CAMTA1: variants seen among roughly 807,000 people sequenced by gnomAD.
CAMTA1 encodes calmodulin-binding transcription activator 1.
A neutral mutation model predicts 170.9 loss-of-function variants in CAMTA1; 27 were observed. That is an observed-to-expected ratio of 0.16 (90% CI 0.12 to 0.22). CAMTA1 has a LOEUF of 0.22. CAMTA1 is among the 10% of genes least tolerant of loss of function. The pLI, the probability that CAMTA1 is intolerant of heterozygous loss-of-function variation, is 1.00. For missense variants in CAMTA1, 1,619 were observed against 2,217.2 expected, an observed-to-expected ratio of 0.73 and a Z score of 5.42; for synonymous variants, 833 against 891.5, an observed-to-expected ratio of 0.93 and a Z score of 1.17.
At chr1:7,016,466 T>C (rs886093402) in intron 3 of CAMTA1, among the ~76,000 whole-genome samples, 1 of 152,198 alleles carries the variant, frequency 6.6e-6, no homozygotes, top group African/African-American at 2.4e-5. Context: ...GAAGGGGAAA[T>C]TAATTTTACA....
intron 5 of CAMTA1, among the ~76,000 whole-genome samples, chr1:7,414,048 C>T (rs2090982515): frequency 2.0e-5 from 3 of 152,124 alleles, no homozygotes; most frequent in Non-Finnish European, 4.4e-5. Context: ...TGTTTATATG[C>T]TGGATTACAT....
chr1:7,331,494 T>TA (rs1326418015), intron 5 of CAMTA1, among the ~76,000 whole-genome samples: 1 of 152,146 alleles, frequency 6.6e-6, no homozygotes, highest in Non-Finnish European at 1.5e-5. Context: ...TGAGGAAAAT[T>TA]AAAACAAGAG....
chr1:7,519,654 T>C (rs1333337536), intron 6 of CAMTA1, among the ~76,000 whole-genome samples: 1 of 151,778 alleles, frequency 6.6e-6, no homozygotes, highest in East Asian at 1.9e-4. Flanking sequence ...AACCCTGAGC[T>C]TCAGGCCGCA....
intron 3 of CAMTA1, among the ~76,000 whole-genome samples, chr1:6,955,411 GTC>G (rs1253390856): frequency 2.0e-5 from 3 of 152,202 alleles, no homozygotes; most frequent in Admixed American, 6.5e-5. Flanking sequence ...GCCCCTGCTT[GTC>G]TATAGCCAAA....
chr1:7,554,673 G>A (rs573418998), intron 6 of CAMTA1, among the ~76,000 whole-genome samples: 37 of 152,082 alleles, frequency 2.4e-4, no homozygotes, highest in Admixed American at 3.9e-4. Flanking sequence ...AAACACTGAC[G>A]ATGTCCCTCC....
At chr1:7,269,663 C>T (rs943557801) in intron 5 of CAMTA1, among the ~76,000 whole-genome samples, 1 of 152,178 alleles carries the variant, frequency 6.6e-6, no homozygotes, top group Admixed American at 6.5e-5. Context: ...ACTGCTTAAA[C>T]TGAAGCACTC....
chr1:7,664,798 A>G lies in CAMTA1; in HGVS notation c.2251A>G (p.Ser751Gly). ...VQGLYPVAQP[S>G]LGNASNMELS... ...GGGACTCTACCCCGTGGCCCAGCCC[A>G]GCCTCGGCAACGCCTCCAACATGGA... The change falls in exon 9 of 23, where the codon AGC becomes GGC. Residue 751 changes from serine to glycine, a missense_variant. Coordinates refer to ENST00000303635, the MANE Select transcript of CAMTA1 (RefSeq NM_015215.4). 1 of 1,613,008 alleles carries G rather than the reference A, an allele frequency of 6.2e-7. No individual in the cohort carries two copies. Among genetic ancestry groups the G allele is most frequent in the Non-Finnish European group, 8.5e-7 (1 of 1,179,706 alleles).
intron 3 of CAMTA1, among the ~76,000 whole-genome samples, chr1:7,008,045 G>A (rs986193762): frequency 6.6e-6 from 1 of 152,200 alleles, no homozygotes; most frequent in African/African-American, 2.4e-5. Flanking sequence ...CAGCCTGCGT[G>A]TTTCTCTGGG....
intron 3 of CAMTA1, among the ~76,000 whole-genome samples, chr1:6,850,037 A>G (rs538857430): frequency 6.5e-4 from 71 of 108,564 alleles, no homozygotes; most frequent in Non-Finnish European, 1.1e-3. Context: ...TTTGTCTCAG[A>G]AAAAAAAAAA....
At chr1:6,835,927 T>G (rs1652883419) in intron 3 of CAMTA1, among the ~76,000 whole-genome samples, 1 of 152,232 alleles carries the variant, frequency 6.6e-6, no homozygotes, top group East Asian at 1.9e-4. Flanking sequence ...TATTCTAATT[T>G]TTCAATGTTT....
chr1:6,963,448 G>A (rs1267820215), intron 3 of CAMTA1, among the ~76,000 whole-genome samples: 2 of 151,866 alleles, frequency 1.3e-5, no homozygotes, highest in South Asian at 2.1e-4. Flanking sequence ...AGCGGCAAGC[G>A]TGATTTATAG....
intron 4 of CAMTA1, among the ~76,000 whole-genome samples, chr1:7,246,833 AT>A (rs748418541): frequency 6.6e-6 from 1 of 151,840 alleles, no homozygotes; most frequent in East Asian, 1.9e-4. Context: ...TGCCAGGCTA[AT>A]TTTTTGTATT....
rs1334905310 is a variant in CAMTA1 at position 7,136,750 on chromosome 1, G to A, written c.302+45379G>A. Among the ~76,000 whole-genome samples the A allele has an allele frequency of 2.0e-5, 3 of 152,252 alleles. No individual in the cohort carries two copies. The East Asian group carries it at 5.8e-4, about 29-fold the overall frequency. The stretch of plus-strand genomic sequence containing the variant: ...TTCTCATCTTACTGGTCGATGAGTG[G>A]CATTTGACATGACTGGCTGCCTCTT... On this transcript the variant is annotated intron_variant, in intron 4 of 22. Transcript: ENST00000303635.
At chr1:7,306,857 A>G (rs1004898288) in intron 5 of CAMTA1, among the ~76,000 whole-genome samples, 2 of 151,958 alleles carry the variant, frequency 1.3e-5, no homozygotes, top group Admixed American at 1.3e-4. Context: ...AATAACAACA[A>G]TAACAATAAT....
At chr1:7,024,294 A>T (rs1327216648) in intron 3 of CAMTA1, among the ~76,000 whole-genome samples, 2 of 152,204 alleles carry the variant, frequency 1.3e-5, no homozygotes, top group Admixed American at 6.5e-5. Flanking sequence ...GGTGGAATAA[A>T]TAAAAGCAAA....
chr1:7,452,836 C>G (rs938889652), intron 5 of CAMTA1, among the ~76,000 whole-genome samples: 10 of 152,304 alleles, frequency 6.6e-5, no homozygotes, highest in African/African-American at 2.4e-4. Flanking sequence ...TGTGCAGGTA[C>G]CTGTTTGAGT....
intron 4 of CAMTA1, among the ~76,000 whole-genome samples, chr1:7,097,410 G>C (rs1435609300): frequency 1.3e-5 from 2 of 152,204 alleles, no homozygotes; most frequent in African/African-American, 4.8e-5. Context: ...ACAGCCCTTG[G>C]GGTCCCGGCA....
At chr1:7,614,369 C>A (rs12091595) in intron 6 of CAMTA1, among the ~76,000 whole-genome samples, 4,521 of 151,846 alleles carry the variant, frequency 0.03, 218 homozygotes, top group African/African-American at 0.1. Context: ...TCACACAAAA[C>A]CAGATTCCAG....
intron 4 of CAMTA1, among the ~76,000 whole-genome samples, chr1:7,238,923 C>T (rs772691609): frequency 2.6e-5 from 4 of 152,170 alleles, no homozygotes; most frequent in East Asian, 3.8e-4. Flanking sequence ...CTATCGTGGC[C>T]GAGCATTCAC....
Sources: allele counts gnomAD v4.1 joint callset (sites outside exome capture counted in the v4.1 genomes callset), GRCh38; gene constraint gnomAD v4.1.1; transcripts MANE v1.5; gene names NCBI Gene and HGNC (gene_info 2026-07-23, HGNC 2026-07-21).